Variants in RERG observed in about 807,000 individuals in gnomAD.
The protein encoded by RERG is ras-related and estrogen-regulated growth inhibitor.
In RERG, 25 loss-of-function variants were observed where a neutral mutation model predicts 23.2. The observed-to-expected ratio is 1.08, with a 90% CI of 0.79 to 1.50. The LOEUF is 1.50. RERG is among the 40% of genes most tolerant of loss of function. The pLI, the probability that RERG is intolerant of heterozygous loss-of-function variation, is 0.00. For missense variants in RERG, 253 were observed against 250.1 expected, an observed-to-expected ratio of 1.01 and a Z score of -0.08; for synonymous variants, 81 against 89.1, an observed-to-expected ratio of 0.91 and a Z score of 0.51.
Position 15,161,215 on chromosome 12 carries a change from A to G in RERG, c.62-40096T>C, listed in dbSNP as rs923956518. On this transcript the variant is annotated intron_variant, in intron 2 of 4. Coordinates refer to ENST00000256953, the MANE Select transcript of RERG (RefSeq NM_032918.3). ...GAAAGAAAGAAAGAAAGAAAGAAAG[A>G]AAGAAAGAAAGAAACAGGGGCATCA... Among the ~76,000 whole-genome samples, 3 of 130,020 alleles carry G rather than the reference A, an allele frequency of 2.3e-5. No homozygotes were observed. The South Asian group carries it at 7.3e-4, about 32-fold the overall frequency. The allele number at this position is 130,020 out of a possible 152,430, so 85.3% of individuals were successfully genotyped here.
chr12:15,202,213 G>A (rs1296769039), intron 2 of RERG, among the ~76,000 whole-genome samples: 1 of 151,630 alleles, frequency 6.6e-6, no homozygotes, highest in Non-Finnish European at 1.5e-5. Flanking sequence ...CACAATTAAG[G>A]GTAATAAAAG....
At chr12:15,201,601 CAATAAT>C (rs199846014) in intron 2 of RERG, among the ~76,000 whole-genome samples, 2 of 147,846 alleles carry the variant, frequency 1.4e-5, no homozygotes, top group African/African-American at 4.9e-5. Context: ...TAGTAATTAA[CAATAAT>C]AATAATTAGC....
chr12:15,112,871 T>C (rs528698845), intron 3 of RERG, among the ~76,000 whole-genome samples: 2 of 152,152 alleles, frequency 1.3e-5, no homozygotes, highest in South Asian at 2.1e-4. Context: ...CAATGAAAGA[T>C]TTAAGATCAA....
At chr12:15,184,831 T>A (rs141665636) in intron 2 of RERG, among the ~76,000 whole-genome samples, 2 of 152,108 alleles carry the variant, frequency 1.3e-5, no homozygotes, top group Non-Finnish European at 2.9e-5. Context: ...ACTTAGGAGG[T>A]CTCTCATAGA....
intron 2 of RERG, among the ~76,000 whole-genome samples, chr12:15,200,239 G>A (rs530118046): frequency 1.3e-5 from 2 of 152,080 alleles, no homozygotes; most frequent in Admixed American, 1.3e-4. Context: ...GTGATGCTTG[G>A]CTTGAGGAAT....
intron 4 of RERG, among the ~76,000 whole-genome samples, chr12:15,110,281 C>A (rs1291678020): frequency 6.6e-6 from 1 of 151,962 alleles, no homozygotes; most frequent in Non-Finnish European, 1.5e-5. Context: ...GGAATCAGTG[C>A]TCTGTGAAGG....
chr12:15,209,604 C>G (rs900610062), intron 2 of RERG, among the ~76,000 whole-genome samples: 3 of 151,902 alleles, frequency 2.0e-5, no homozygotes, highest in Non-Finnish European at 2.9e-5. Context: ...AGAATTTTGG[C>G]TATTTTGGTT....
At chr12:15,110,455 ATTTTTTTCTTT>A (rs1863585719) in intron 4 of RERG, among the ~76,000 whole-genome samples, 1 of 59,326 alleles carries the variant, frequency 1.7e-5, no homozygotes, top group African/African-American at 6.0e-5. Flanking sequence ...TCCAGTGGCC[ATTTTTTTCTTT>A]TTTTTTTTTT....
intron 2 of RERG, among the ~76,000 whole-genome samples, chr12:15,125,757 A>G (rs1388210269): frequency 6.6e-6 from 1 of 152,056 alleles, no homozygotes; most frequent in Non-Finnish European, 1.5e-5. Flanking sequence ...ATATTTTAAA[A>G]ATTATAATGG....
intron 2 of RERG, among the ~76,000 whole-genome samples, chr12:15,198,070 C>A (rs146941305): frequency 2.9e-3 from 448 of 152,260 alleles, no homozygotes; most frequent in Non-Finnish European, 5.4e-3. Context: ...CCTGGCCTGG[C>A]CACTCTACGC....
In RERG at chr12:15,148,887, T is replaced by TTG. The variant is rs1156302513; in HGVS notation, c.62-27769_62-27768insCA. Among the ~76,000 whole-genome samples, 166 of 69,500 alleles carry TTG rather than the reference T, an allele frequency of 2.4e-3. 53 individuals are homozygous for TTG. The highest frequency in any genetic ancestry group is 4.1e-3 in the Non-Finnish European group (133 of 32,656). 45.6% of individuals were successfully genotyped at this position (69,500 alleles called of 152,430 possible). The stretch of plus-strand genomic sequence containing the variant: ...TTTTTTTTTTTTTTTTTTTTTTTTT[T>TTG]AGACAGAGTCTAGCTCTGTCACCCA... On this transcript the variant is annotated intron_variant, in intron 2 of 4. Transcript: ENST00000256953.
intron 3 of RERG, among the ~76,000 whole-genome samples, chr12:15,119,255 T>C (rs11056359): frequency 0.048 from 7,373 of 152,294 alleles, 247 homozygotes; most frequent in South Asian, 0.083. Context: ...GCCCGCACTA[T>C]ACATAACTGA....
At chr12:15,175,351 GT>G (rs1864834854) in intron 2 of RERG, among the ~76,000 whole-genome samples, 1 of 147,932 alleles carries the variant, frequency 6.8e-6, no homozygotes, top group Non-Finnish European at 1.5e-5. Flanking sequence ...GTGTGTGTGT[GT>G]GTGTGTGTGT....
chr12:15,158,847 ATTATT>A (rs572557093), intron 2 of RERG, among the ~76,000 whole-genome samples: 25 of 152,174 alleles, frequency 1.6e-4, no homozygotes, highest in South Asian at 6.2e-4. Context: ...TTAAGGTGGC[ATTATT>A]TTATTTTATT....
chr12:15,121,393 A>T (rs958037745), intron 2 of RERG, among the ~76,000 whole-genome samples: 4 of 152,172 alleles, frequency 2.6e-5, no homozygotes, highest in Non-Finnish European at 4.4e-5. Context: ...CAAAACAAAC[A>T]AAAGTATAAT....
At chr12:15,125,105 A>C (rs1863914358) in intron 2 of RERG, among the ~76,000 whole-genome samples, 1 of 152,142 alleles carries the variant, frequency 6.6e-6, no homozygotes, top group South Asian at 2.1e-4. Context: ...AGTTACCTAT[A>C]AGTTGTATAA....
chr12:15,199,700 T>C (rs1236309711), intron 2 of RERG, among the ~76,000 whole-genome samples: 1 of 152,044 alleles, frequency 6.6e-6, no homozygotes, highest in Non-Finnish European at 1.5e-5. Flanking sequence ...CTCACTCATA[T>C]ACACACATTC....
At chr12:15,165,903 T>C (rs189491669) in intron 2 of RERG, among the ~76,000 whole-genome samples, 56 of 152,296 alleles carry the variant, frequency 3.7e-4, no homozygotes, top group African/African-American at 1.1e-3. Flanking sequence ...GGGCTGAGCA[T>C]GGATGTGCTT....
At chr12:15,121,602 T>C (rs1351556809) in intron 2 of RERG, among the ~76,000 whole-genome samples, 2 of 152,236 alleles carry the variant, frequency 1.3e-5, no homozygotes, top group Non-Finnish European at 2.9e-5. Context: ...TAAGGATTTT[T>C]ATTAGAGATC....
Sources: gnomAD v4.1 joint callset for allele counts (sites outside exome capture counted in the v4.1 genomes callset) on GRCh38, gnomAD v4.1.1 for gene constraint, MANE v1.5 for transcripts, NCBI Gene and HGNC (gene_info 2026-07-23, HGNC 2026-07-21) for gene names.